Variants in CA10 observed in about 807,000 individuals in gnomAD.
CA10 encodes carbonic anhydrase 10 (inactive), also known as carbonic anhydrase-related protein 10.
In CA10, 14 loss-of-function variants were observed where a neutral mutation model predicts 44.2. The observed-to-expected ratio is 0.32, with a 90% CI of 0.21 to 0.50. CA10 has a LOEUF of 0.50. Among genes scored for constraint, CA10 ranks in the 20% least tolerant of loss-of-function variants. CA10 has a pLI of 0.99. For missense variants in CA10, 350 were observed against 409.7 expected (o/e 0.85, Z 1.26); for synonymous variants, 159 against 141.6 (o/e 1.12, Z -0.87).
intron 3 of CA10, among the ~76,000 whole-genome samples, chr17:51,819,781 ACT>A (rs1357364406): frequency 6.6e-6 from 1 of 151,366 alleles, no homozygotes; most frequent in East Asian, 1.9e-4. Flanking sequence ...CCAGTGAATA[ACT>A]CTCCCCTCTC....
intron 3 of CA10, among the ~76,000 whole-genome samples, chr17:51,825,077 C>T (rs764285023): frequency 7.9e-5 from 12 of 152,294 alleles, no homozygotes; most frequent in Admixed American, 2.6e-4. Context: ...CAAGAGGAAG[C>T]GTAAGTCTGC....
chr17:51,637,147 C>T (rs1280550271), intron 6 of CA10, among the ~76,000 whole-genome samples: 1 of 151,994 alleles, frequency 6.6e-6, no homozygotes, highest in East Asian at 1.9e-4. Context: ...TCTTTTAGCA[C>T]GTGATTGTTC....
chr17:52,144,989 T>C (rs1989553635), intron 1 of CA10, among the ~76,000 whole-genome samples: 1 of 152,162 alleles, frequency 6.6e-6, no homozygotes, highest in African/African-American at 2.4e-5. Flanking sequence ...ATAAGAAACA[T>C]CAGAGTTGAG....
At chr17:51,730,576 G>A (rs1446683597) in intron 4 of CA10, among the ~76,000 whole-genome samples, 3 of 152,120 alleles carry the variant, frequency 2.0e-5, no homozygotes, top group Non-Finnish European at 2.9e-5. Flanking sequence ...CCTGACCCCA[G>A]CTCTGAACTC....
chr17:51,639,639 T>C (rs1030383283), intron 6 of CA10, among the ~76,000 whole-genome samples: 4 of 152,234 alleles, frequency 2.6e-5, no homozygotes, highest in African/African-American at 9.6e-5. Flanking sequence ...TCTGCTCTCC[T>C]GACATTTTCA....
Position 51,776,289 on chromosome 17 carries a change from C to T in CA10, c.280-28471G>A, listed in dbSNP as rs537272755. On this transcript the variant is annotated intron_variant, in intron 3 of 8. Transcript: ENST00000451037. ...ACTCGGGAGGCTGAGGCAGGAGAAT[C>T]GCTTGAACCTGGGAGATGGAGATTG... Among the ~76,000 whole-genome samples, 13 of 152,168 alleles carry T rather than the reference C, an allele frequency of 8.5e-5. 1 individual carries two copies. In the East Asian group the frequency reaches 2.3e-3, roughly 27 times the overall value.
chr17:51,878,455 C>T (rs1274490783), intron 3 of CA10, among the ~76,000 whole-genome samples: 6 of 152,018 alleles, frequency 3.9e-5, no homozygotes, highest in Admixed American at 2.0e-4. Flanking sequence ...CTATTACCTA[C>T]CTGGCAGAAT....
chr17:51,928,897 T>C (rs1408573316), intron 3 of CA10, among the ~76,000 whole-genome samples: 1 of 152,142 alleles, frequency 6.6e-6, no homozygotes, highest in Non-Finnish European at 1.5e-5. Context: ...CACGACCAAC[T>C]ATATTTTATT....
chr17:51,926,453 A>C (rs559246590), intron 3 of CA10, among the ~76,000 whole-genome samples: 10 of 152,308 alleles, frequency 6.6e-5, no homozygotes, highest in African/African-American at 1.9e-4. Flanking sequence ...TTGGCACTGC[A>C]ACAAATTACC....
intron 1 of CA10, among the ~76,000 whole-genome samples, chr17:52,150,257 G>A (rs1019909861): frequency 6.6e-6 from 1 of 151,974 alleles, no homozygotes; most frequent in Admixed American, 6.6e-5. Flanking sequence ...CTCTATTAAC[G>A]CTACTTACTC....
intron 1 of CA10, among the ~76,000 whole-genome samples, chr17:52,130,719 A>G (rs1598230597): frequency 6.6e-6 from 1 of 151,574 alleles, no homozygotes; most frequent in East Asian, 1.9e-4. Flanking sequence ...TTTTTTTGAG[A>G]TGGGGTCTTG....
intron 1 of CA10, among the ~76,000 whole-genome samples, chr17:52,097,512 T>C (rs996629866): frequency 6.6e-6 from 1 of 152,210 alleles, no homozygotes; most frequent in African/African-American, 2.4e-5. Context: ...TTTTTTAAAA[T>C]TGAACCCAAA....
intron 2 of CA10, among the ~76,000 whole-genome samples, chr17:51,985,436 T>C (rs1984799102): frequency 6.6e-6 from 1 of 151,938 alleles, no homozygotes; most frequent in South Asian, 2.1e-4. Context: ...AAGGATTTCC[T>C]CTGAGAACTG....
intron 4 of CA10, among the ~76,000 whole-genome samples, chr17:51,686,485 C>A (rs1476757956): frequency 6.6e-6 from 1 of 152,064 alleles, no homozygotes; most frequent in Admixed American, 6.6e-5. Flanking sequence ...ATTGACCTCT[C>A]CCTAGCTTAG....
At chr17:52,095,225 G>A (rs1207899110) in intron 1 of CA10, among the ~76,000 whole-genome samples, 2 of 152,128 alleles carry the variant, frequency 1.3e-5, no homozygotes. Flanking sequence ...AGTACATTCT[G>A]CATGATGTTA....
chr17:52,065,184 G>A (rs892360160), intron 2 of CA10, among the ~76,000 whole-genome samples: 1 of 152,156 alleles, frequency 6.6e-6, no homozygotes, highest in Admixed American at 6.5e-5. Context: ...CACTAGCAAC[G>A]TCCTTCCTTA....
chr17:51,835,815 T>C (rs1908455523), intron 3 of CA10, among the ~76,000 whole-genome samples: 1 of 152,236 alleles, frequency 6.6e-6, no homozygotes, highest in Admixed American at 6.5e-5. Flanking sequence ...TAGGCAGTGC[T>C]AGTGCTCAGT....
chr17:52,013,443 A>G (rs568384010), intron 2 of CA10, among the ~76,000 whole-genome samples: 2 of 152,102 alleles, frequency 1.3e-5, no homozygotes, highest in East Asian at 3.9e-4. Context: ...AATTATAAGA[A>G]TAAAATTAAA....
chr17:52,047,841 A>G (rs1986954303), intron 2 of CA10, among the ~76,000 whole-genome samples: 1 of 151,992 alleles, frequency 6.6e-6, no homozygotes, highest in African/African-American at 2.4e-5. Flanking sequence ...TATCTAGTTC[A>G]TAAGTATTGC....
Sources: gnomAD v4.1 joint callset for allele counts (sites outside exome capture counted in the v4.1 genomes callset) on GRCh38, gnomAD v4.1.1 for gene constraint, MANE v1.5 for transcripts, NCBI Gene and HGNC (gene_info 2026-07-23, HGNC 2026-07-21) for gene names.